Variants in RBFOX1 observed in about 807,000 individuals in gnomAD.
RBFOX1 encodes RNA binding fox-1 homolog 1.
Under a neutral mutation model 57.7 loss-of-function variants are expected in RBFOX1, and 8 were observed. The observed-to-expected ratio is 0.14, with a 90% CI of 0.08 to 0.25. The LOEUF is 0.25. Among genes scored for constraint, RBFOX1 ranks in the 10% least tolerant of loss-of-function variants. The pLI is 1.00. For synonymous variants in RBFOX1, 326 were observed against 222.4 expected (o/e 1.47, Z -4.15); for missense variants, 611 against 548.5 (o/e 1.11, Z -1.14).
intron 1 of RBFOX1, among the ~76,000 whole-genome samples, chr16:6,214,451 A>T (rs1218303669): frequency 2.2e-5 from 3 of 133,870 alleles, no homozygotes; most frequent in Non-Finnish European, 4.8e-5. Flanking sequence ...AGAGAAGGTG[A>T]GAGGGAGAGC....
At chr16:6,767,926 T>TAAGAAGAAG (rs1266863896) in intron 3 of RBFOX1, among the ~76,000 whole-genome samples, 35 of 76,416 alleles carry the variant, frequency 4.6e-4, no homozygotes, top group African/African-American at 2.2e-3. Flanking sequence ...ATAATAATAA[T>TAAGAAGAAG]AATAATAATA....
At chr16:5,265,141 A>G (rs1450401605) in intron 1 of RBFOX1, among the ~76,000 whole-genome samples, 1 of 152,198 alleles carries the variant, frequency 6.6e-6, no homozygotes. Context: ...AAATCTGAGA[A>G]TCTGTAGCTT....
intron 1 of RBFOX1, among the ~76,000 whole-genome samples, chr16:6,164,077 A>T (rs1044242768): frequency 1.3e-5 from 2 of 152,192 alleles, no homozygotes; most frequent in Non-Finnish European, 2.9e-5. Context: ...TATTAACTTT[A>T]GTCCTCACGC....
At chr16:6,579,513 G>T in intron 2 of RBFOX1, among the ~76,000 whole-genome samples, 1 of 152,148 alleles carries the variant, frequency 6.6e-6, no homozygotes, top group Non-Finnish European at 1.5e-5. Context: ...TAGGGAGCGA[G>T]TTCTCACAAA....
intron 4 of RBFOX1, among the ~76,000 whole-genome samples, chr16:7,438,435 G>A (rs1598419748): frequency 6.6e-6 from 1 of 152,012 alleles, no homozygotes; most frequent in Non-Finnish European, 1.5e-5. Flanking sequence ...CCCTGTCCTG[G>A]GAGGGCAGAA....
intron 4 of RBFOX1, among the ~76,000 whole-genome samples, chr16:7,267,127 G>A (rs897180300): frequency 6.6e-6 from 1 of 152,200 alleles, no homozygotes; most frequent in Non-Finnish European, 1.5e-5. Context: ...ATGCAATGGG[G>A]AGCTGGGCAC....
intron 3 of RBFOX1, among the ~76,000 whole-genome samples, chr16:7,041,159 C>T (rs1051587635): frequency 7.1e-6 from 1 of 140,606 alleles, no homozygotes; most frequent in Non-Finnish European, 1.5e-5. Flanking sequence ...TGGTGTCGAA[C>T]ATCTGACCTC....
At chr16:5,645,002 G>C (rs2049000041) in intron 3 of RBFOX1, among the ~76,000 whole-genome samples, 1 of 151,876 alleles carries the variant, frequency 6.6e-6, no homozygotes, top group Non-Finnish European at 1.5e-5. Flanking sequence ...TTGGGAGGCT[G>C]AGGCGAGTGG....
At chr16:7,471,011 C>T (rs1346213908) in intron 4 of RBFOX1, among the ~76,000 whole-genome samples, 1 of 151,804 alleles carries the variant, frequency 6.6e-6, no homozygotes, top group Non-Finnish European at 1.5e-5. Flanking sequence ...TTTTATTGAA[C>T]TTTTAAGTAT....
At chr16:6,147,432 ACTC>A (rs1271604372) in intron 1 of RBFOX1, among the ~76,000 whole-genome samples, 1 of 151,774 alleles carries the variant, frequency 6.6e-6, no homozygotes, top group African/African-American at 2.4e-5. Flanking sequence ...GTTCTGCAAA[ACTC>A]CTAGCTACTC....
intron 3 of RBFOX1, among the ~76,000 whole-genome samples, chr16:5,659,163 A>G (rs12709138): frequency 0.56 from 85,730 of 151,848 alleles, 26,217 homozygotes; most frequent in Non-Finnish European, 0.69. Context: ...ATCCATGCCA[A>G]CATCTACTGT....
intron 4 of RBFOX1, among the ~76,000 whole-genome samples, chr16:7,257,711 C>T (rs781505865): frequency 6.6e-6 from 1 of 152,182 alleles, no homozygotes; most frequent in Non-Finnish European, 1.5e-5. Flanking sequence ...AAATCTCTCC[C>T]TTGCTCTGTT....
intron 1 of RBFOX1, among the ~76,000 whole-genome samples, chr16:6,042,904 G>A (rs563257149): frequency 6.6e-6 from 1 of 152,184 alleles, no homozygotes; most frequent in Admixed American, 6.6e-5. Context: ...TTTATCTAAA[G>A]ACTTGAAGCT....
intron 4 of RBFOX1, among the ~76,000 whole-genome samples, chr16:7,456,235 A>C (rs116591901): frequency 6.6e-6 from 1 of 151,984 alleles, no homozygotes; most frequent in Non-Finnish European, 1.5e-5. Flanking sequence ...CCACGTTAGG[A>C]CCCTCCTCTC....
chr16:6,903,077 C>G (rs1177687245), intron 3 of RBFOX1, among the ~76,000 whole-genome samples: 5 of 152,120 alleles, frequency 3.3e-5, no homozygotes, highest in South Asian at 4.1e-4. Context: ...TTGGAGCAAC[C>G]TGACTCAGGA....
intron 2 of RBFOX1, among the ~76,000 whole-genome samples, chr16:6,370,047 C>A (rs1414385143): frequency 6.6e-6 from 1 of 152,046 alleles, no homozygotes; most frequent in Non-Finnish European, 1.5e-5. Flanking sequence ...CTTTTATGAT[C>A]TTGACATTTT....
intron 3 of RBFOX1, among the ~76,000 whole-genome samples, chr16:5,679,849 G>T (rs1187065088): frequency 2.6e-5 from 4 of 152,192 alleles, no homozygotes; most frequent in Non-Finnish European, 5.9e-5. Context: ...GGGAGTTGTA[G>T]TGAGGCTTAT....
intron 2 of RBFOX1, among the ~76,000 whole-genome samples, chr16:6,457,437 G>GGCCCC (rs1240682051): frequency 8.3e-5 from 3 of 36,206 alleles, no homozygotes; most frequent in Admixed American, 3.1e-4. Flanking sequence ...ATTTCCGGAA[G>GGCCCC]TCCCCCCCCC....
intron 1 of RBFOX1, among the ~76,000 whole-genome samples, chr16:6,274,717 T>G (rs376980041): frequency 2.6e-5 from 4 of 152,184 alleles, no homozygotes; most frequent in African/African-American, 9.7e-5. Flanking sequence ...CTCTGTAACA[T>G]TATTGCCTAC....
Sources: gnomAD v4.1 joint callset for allele counts (sites outside exome capture counted in the v4.1 genomes callset) on GRCh38, gnomAD v4.1.1 for gene constraint, MANE v1.5 for transcripts, NCBI Gene and HGNC (gene_info 2026-07-23, HGNC 2026-07-21) for gene names.